Variants in NAV2 observed in about 807,000 individuals in gnomAD.
The protein encoded by NAV2 is helicase, APC down-regulated 1.
In NAV2, 54 loss-of-function variants were observed where a neutral mutation model predicts 223.2. The ratio of observed to expected loss-of-function variants is 0.24; its 90% CI spans 0.19 to 0.30. The LOEUF is 0.30. NAV2 is among the 10% of genes least tolerant of loss of function. The probability of loss-of-function intolerance (pLI) is 1.00; values close to 1 mark genes in which losing one functional copy is unlikely to be tolerated. For missense variants in NAV2, 2,806 were observed against 3,147.5 expected, an observed-to-expected ratio of 0.89 and a Z score of 2.60; for synonymous variants, 1,279 against 1,239.3, an observed-to-expected ratio of 1.03 and a Z score of -0.67.
chr11:19,479,334 G>C (rs184037176), intron 1 of NAV2, among the ~76,000 whole-genome samples: 19 of 152,226 alleles, frequency 1.2e-4, no homozygotes, highest in Non-Finnish European at 2.8e-4. Flanking sequence ...GGACCTTTTC[G>C]GAGATTGCTT....
intron 1 of NAV2, among the ~76,000 whole-genome samples, chr11:19,433,110 TAA>T (rs1851093296): frequency 6.6e-6 from 1 of 152,178 alleles, no homozygotes; most frequent in Non-Finnish European, 1.5e-5. Flanking sequence ...AAGGAAAAGA[TAA>T]GAGTTCAGAC....
chr11:19,656,910 T>A (rs1414593821), intron 1 of NAV2, among the ~76,000 whole-genome samples: 3 of 152,178 alleles, frequency 2.0e-5, no homozygotes, highest in African/African-American at 7.2e-5. Flanking sequence ...ATCAAGGATA[T>A]CACCTAGGCT....
chr11:19,888,987 A>C (rs2041261887), intron 5 of NAV2, among the ~76,000 whole-genome samples: 1 of 152,110 alleles, frequency 6.6e-6, no homozygotes, highest in Admixed American at 6.5e-5. Context: ...GCCCCTTGAG[A>C]TCCGGGTAAG....
At chr11:19,475,883 G>A (rs1010807258) in intron 1 of NAV2, among the ~76,000 whole-genome samples, 3 of 152,250 alleles carry the variant, frequency 2.0e-5, no homozygotes, top group Admixed American at 6.5e-5. Flanking sequence ...GAGCCACGAA[G>A]TGGCTGCCCC....
chr11:19,362,083 G>C (rs1853985310), intron 1 of NAV2, among the ~76,000 whole-genome samples: 1 of 152,192 alleles, frequency 6.6e-6, no homozygotes, highest in Admixed American at 6.5e-5. Flanking sequence ...GTGAGGCCCT[G>C]TAATGCAGGT....
intron 1 of NAV2, among the ~76,000 whole-genome samples, chr11:19,565,870 G>T (rs2045251981): frequency 6.6e-6 from 1 of 152,062 alleles, no homozygotes; most frequent in South Asian, 2.1e-4. Context: ...TGCTCGATGT[G>T]GCCTGGCATC....
chr11:19,460,968 C>A (rs2133859305), intron 1 of NAV2, among the ~76,000 whole-genome samples: 1 of 152,260 alleles, frequency 6.6e-6, no homozygotes, highest in Non-Finnish European at 1.5e-5. Flanking sequence ...TGGTGGGATT[C>A]ATACTTCCAG....
rs144403487 is a variant in NAV2 at position 20,055,365 on chromosome 11, T to C, written c.4643-404T>C. Among the ~76,000 whole-genome samples the C allele has an allele frequency of 1.9e-3, 288 of 152,358 alleles. 1 individual carries two copies. Among genetic ancestry groups the C allele is most frequent in the Middle Eastern group, 3.4e-3 (1 of 294 alleles). On this transcript the variant is annotated intron_variant, in intron 18 of 37. Transcript: ENST00000349880. ...TGTTCATACTGTTCTTTCCCAGCCA[T>C]AACTCTTTGAGGCAAGAGATTCTTG...
At chr11:19,990,531 C>G (rs561421615) in intron 11 of NAV2, among the ~76,000 whole-genome samples, 1 of 152,102 alleles carries the variant, frequency 6.6e-6, no homozygotes, top group African/African-American at 2.4e-5. Flanking sequence ...CCCCCTCCCC[C>G]CATTACCTCC....
At chr11:19,880,379 C>T (rs2063125774) in intron 5 of NAV2, among the ~76,000 whole-genome samples, 1 of 152,198 alleles carries the variant, frequency 6.6e-6, no homozygotes, top group East Asian at 1.9e-4. Context: ...CCTGCTATTA[C>T]TCCGGCCTAT....
At chr11:20,106,175 A>ATATATATATATATATGTGTGTGTGTGTG (rs11267537) in intron 35 of NAV2, among the ~76,000 whole-genome samples, 1 of 35,828 alleles carries the variant, frequency 2.8e-5, no homozygotes, top group Non-Finnish European at 5.3e-5. Flanking sequence ...ATATATATAT[A>ATATATATATATATATGTGTGTGTGTGTG]TGTGTGTGTA....
chr11:19,384,575 C>T (rs1848963072), intron 1 of NAV2: 1 of 152,252 alleles, frequency 6.6e-6, no homozygotes, highest in Non-Finnish European at 1.5e-5. Flanking sequence ...TGCATGGACT[C>T]ATGTGCACCA....
chr11:19,783,343 CA>C (rs1173774372), intron 1 of NAV2, among the ~76,000 whole-genome samples: 3 of 152,168 alleles, frequency 2.0e-5, no homozygotes, highest in Non-Finnish European at 4.4e-5. Context: ...AGGTCTTCTT[CA>C]GCAGAGCTTC....
intron 1 of NAV2, among the ~76,000 whole-genome samples, chr11:19,676,402 C>T (rs938076681): frequency 1.3e-5 from 2 of 152,102 alleles, no homozygotes; most frequent in African/African-American, 4.8e-5. Context: ...TAGTGATTCA[C>T]TTTGAGTATT....
At chr11:19,967,158 G>T (rs566432196) in intron 10 of NAV2, among the ~76,000 whole-genome samples, 1 of 152,092 alleles carries the variant, frequency 6.6e-6, no homozygotes, top group African/African-American at 2.4e-5. Flanking sequence ...CTACTAAAGG[G>T]TGCGGCCAGT....
At chr11:19,562,379 A>C (rs558631727) in intron 1 of NAV2, among the ~76,000 whole-genome samples, 4 of 152,282 alleles carry the variant, frequency 2.6e-5, no homozygotes, top group Non-Finnish European at 4.4e-5. Flanking sequence ...CTGGGGCCTC[A>C]AGCTTTTGGG....
chr11:19,392,957 T>C lies in NAV2; in HGVS notation c.75+41930T>C, dbSNP rs575722306. ...TTCCCAGTGAGTGCCAGAGCAGGGA[T>C]TTGAACTTGCTTATGGCCTCCCTAT... On this transcript the variant is annotated intron_variant, in intron 1 of 37. Transcript: ENST00000360655. 5.1e-4 allele frequency among the ~76,000 whole-genome samples: 78 copies of C among 152,286 alleles called. 1 individual carries two copies. The highest frequency in any genetic ancestry group is 1.9e-3 in the African/African-American group (77 of 41,560).
chr11:19,638,848 C>A (rs929759489), intron 1 of NAV2, among the ~76,000 whole-genome samples: 9 of 152,110 alleles, frequency 5.9e-5, no homozygotes, highest in South Asian at 2.1e-4. Flanking sequence ...CAAAAGTTAG[C>A]CAGGCGTGGT....
At chr11:20,006,753 G>A (rs1285459098) in intron 11 of NAV2, among the ~76,000 whole-genome samples, 1 of 152,096 alleles carries the variant, frequency 6.6e-6, no homozygotes, top group Non-Finnish European at 1.5e-5. Context: ...TCAAGTGGCT[G>A]AGATGGGAGG....
Sources: gnomAD v4.1 joint callset for allele counts (sites outside exome capture counted in the v4.1 genomes callset) on GRCh38, gnomAD v4.1.1 for gene constraint, MANE v1.5 for transcripts, NCBI Gene and HGNC (gene_info 2026-07-23, HGNC 2026-07-21) for gene names.